Variants in UHRF1 observed in about 807,000 individuals in gnomAD.
UHRF1 encodes the protein E3 ubiquitin-protein ligase UHRF1.
In UHRF1, 9 loss-of-function variants were observed where a neutral mutation model predicts 96.5. That is an observed-to-expected ratio of 0.09 (90% confidence interval 0.06 to 0.16). UHRF1 has a LOEUF of 0.16. Among genes scored for constraint, UHRF1 ranks in the 10% least tolerant of loss-of-function variants. UHRF1 has a pLI of 1.00. For missense variants in UHRF1, 626 were observed against 1,131.1 expected, an observed-to-expected ratio of 0.55 and a Z score of 6.40; for synonymous variants, 455 against 469.9, an observed-to-expected ratio of 0.97 and a Z score of 0.41.
chr19:4,954,229 A>G lies in UHRF1; in HGVS notation c.1819-121A>G. On this transcript the variant is annotated intron_variant, in intron 13 of 16. Transcript: ENST00000650932. This position sits in a 1 kb window ranked among gnomAD's most constrained non-coding sequence, Gnocchi z 5.9. ...AAGGGAGGACTACCCTGTGCTCTTCAGGGGGATTGGGGGTCAGGTGTGTCT... is the reference window on the plus strand; with the variant it reads ...AAGGGAGGACTACCCTGTGCTCTTCGGGGGGATTGGGGGTCAGGTGTGTCT... 6.9e-7 allele frequency: 1 copy of G among 1,455,970 alleles called. No homozygotes were observed. Among genetic ancestry groups the G allele is most frequent in the South Asian group, 1.3e-5 (1 of 77,722 alleles). 90.2% of individuals were successfully genotyped at this position (1,455,970 alleles called of 1,614,324 possible).
intron 2 of UHRF1, among the ~76,000 whole-genome samples, chr19:4,916,658 T>C (rs142944893): frequency 6.7e-6 from 1 of 148,720 alleles, no homozygotes; most frequent in Non-Finnish European, 1.5e-5. Flanking sequence ...CGCCCCCTCT[T>C]GTGGGTTCTG....
intron 15 of UHRF1, among the ~76,000 whole-genome samples, chr19:4,955,457 A>G (rs1213884803): frequency 6.6e-6 from 1 of 151,936 alleles, no homozygotes; most frequent in African/African-American, 2.4e-5. Context: ...CGCCTCACCC[A>G]GGATGCTTTC....
At chr19:4,959,130 C>T (rs551823772) in intron 16 of UHRF1, among the ~76,000 whole-genome samples, 1 of 151,892 alleles carries the variant, frequency 6.6e-6, no homozygotes, top group East Asian at 2.0e-4. Flanking sequence ...TACAGGCATA[C>T]ACCACCATGG....
In UHRF1 at chr19:4,941,753, G is replaced by C. The variant is rs746199151; in HGVS notation, c.895G>C (p.Gly299Arg). 2.6e-6 allele frequency: 4 copies of C among 1,545,696 alleles called. No homozygotes were observed. The highest frequency in any genetic ancestry group is 2.4e-5 in the South Asian group (2 of 83,592). Residue 299 changes from glycine (G) to arginine (R), a missense_variant, in exon 7 of 17, where the codon GGG becomes CGG. Physicochemically the swap from Gly to Arg is moderately radical, Grantham distance 125. Coordinates refer to ENST00000650932, the MANE Select transcript of UHRF1 (RefSeq NM_001048201.3). The part of the protein sequence containing the change: ...MVDNPMRRKS[G>R]PSCKHCKDDV... ...TGCCGCCCCGTGCCCAGGGAAGAGC[G>C]GGCCGTCCTGCAAGCACTGCAAGGA...
At chr19:4,953,242 G>C (rs893447133) in intron 13 of UHRF1, among the ~76,000 whole-genome samples, 2 of 152,078 alleles carry the variant, frequency 1.3e-5, no homozygotes, top group Non-Finnish European at 2.9e-5. Context: ...ATGCACAGGC[G>C]TCCCCCCCTT....
At position 4,954,661 on chromosome 19, in the gene UHRF1, A is replaced by G; in HGVS notation, c.1969A>G (p.Ser657Gly). 1 of 1,612,612 alleles carries G rather than the reference A, an allele frequency of 6.2e-7. No individual in the cohort carries two copies. Among genetic ancestry groups the G allele is most frequent in the Non-Finnish European group, 8.5e-7 (1 of 1,179,362 alleles). The change falls in exon 15 of 17, where the codon AGC becomes GGC. Residue 657 changes from serine to glycine, a missense_variant. Physicochemically the swap from Ser to Gly is moderately conservative, Grantham distance 56 (BLOSUM62 0). Coordinates refer to ENST00000650932, the MANE Select transcript of UHRF1 (RefSeq NM_001048201.3). This position sits in a 1 kb window ranked among gnomAD's most constrained non-coding sequence, Gnocchi z 5.9. Reference sequence around the variant, plus strand: ...CCACCCTCTTCCAGGAGGTGGCCCGAGCAGGGCCGGGTCCCCGCGCCGGAC... The same window carrying G: ...CCACCCTCTTCCAGGAGGTGGCCCGGGCAGGGCCGGGTCCCCGCGCCGGAC... ...WKRKSAGGGP[S>G]RAGSPRRTSK...
At chr19:4,908,820 C>T (rs7245778), upstream of UHRF1, among the ~76,000 whole-genome samples, 1 of 152,230 alleles carries the variant, frequency 6.6e-6, no homozygotes, top group Non-Finnish European at 1.5e-5. Flanking sequence ...CCGCTGGGTT[C>T]TGCAGCTCTG....
intron 2 of UHRF1, among the ~76,000 whole-genome samples, chr19:4,912,626 T>G (rs2032327781): frequency 6.6e-6 from 1 of 152,198 alleles, no homozygotes; most frequent in Admixed American, 6.6e-5. Flanking sequence ...TCTTTCTCTC[T>G]GCCCGCCAAT....
chr19:4,961,105 G>C lies in UHRF1; in HGVS notation c.*302G>C. ...TTTTAAAGATGGAATCAGAAACTAC[G>C]TGGTGTGGAGGCTGTTGATGTTTCT... On this transcript the variant is annotated 3_prime_UTR_variant, in exon 17 of 17. Transcript: ENST00000650932. The C allele has an allele frequency of 8.6e-6, 1 of 115,872 alleles. No individual in the cohort carries two copies. Among genetic ancestry groups the C allele is most frequent in the Non-Finnish European group, 1.6e-5 (1 of 64,276 alleles). The allele number at this position is 115,872 out of a possible 1,614,324, so 7.2% of individuals were successfully genotyped here. A position where few individuals can be genotyped will look rare whatever the true frequency, so the allele number is the denominator to read the frequency against.
intron 2 of UHRF1, among the ~76,000 whole-genome samples, chr19:4,924,239 C>T (rs12460351): frequency 0.26 from 39,806 of 151,786 alleles, 5,418 homozygotes; most frequent in Middle Eastern, 0.38. Context: ...AAGCTCCGCC[C>T]CCCGGGTTCA....
rs761118789 is a variant in UHRF1, at chr19:4,951,014, G to T, written c.1818+18G>T. The T allele has an allele frequency of 2.5e-6, 4 of 1,587,016 alleles. No individual in the cohort carries two copies. Among genetic ancestry groups the T allele is most frequent in the Non-Finnish European group, 3.4e-6 (4 of 1,168,574 alleles). On this transcript the variant is annotated intron_variant, in intron 13 of 16. Coordinates refer to ENST00000650932, the MANE Select transcript of UHRF1 (RefSeq NM_001048201.3). ...CCATGCAGGTGTGTCTGGGATGGGG[G>T]ATGGCACTTTGGGAGGCCAAGGCGG...
At chr19:4,955,448 G>A (rs571170560) in intron 15 of UHRF1, among the ~76,000 whole-genome samples, 55 of 152,026 alleles carry the variant, frequency 3.6e-4, no homozygotes, top group African/African-American at 1.2e-3. Flanking sequence ...CAGGCCCCCC[G>A]CCTCACCCAG....
At chr19:4,920,104 A>G (rs942695543) in intron 2 of UHRF1, among the ~76,000 whole-genome samples, 4 of 152,200 alleles carry the variant, frequency 2.6e-5, no homozygotes, top group Non-Finnish European at 5.9e-5. Context: ...GGCATGAGCC[A>G]TCGCACCCGG....
chr19:4,931,848 T>C (rs1317023685), intron 4 of UHRF1, among the ~76,000 whole-genome samples: 3 of 145,948 alleles, frequency 2.1e-5, no homozygotes, highest in Admixed American at 6.8e-5. Context: ...GCACCCTCCA[T>C]CTCCCGGGTT....
In UHRF1 at chr19:4,944,602, G is replaced by C. The variant is rs1054029457; in HGVS notation, c.1305+152G>C. 1.3e-5 allele frequency among the ~76,000 whole-genome samples: 2 copies of C among 152,334 alleles called. 1 individual carries two copies. Among genetic ancestry groups the C allele is most frequent in the East Asian group, 3.9e-4 (2 of 5,170 alleles). ...AGGGGTGTGGAAAGCCTGCAGGTTT[G>C]GGTTTACTCCTTATTTTACCAGGGA... On this transcript the variant is annotated intron_variant, in intron 9 of 16. Transcript: ENST00000650932.
chr19:4,929,201 C>G (rs1245639875), intron 2 of UHRF1, 21 bp from the exon 3 acceptor site: 22 of 1,600,622 alleles, frequency 1.4e-5, no homozygotes, highest in South Asian at 8.9e-5. Flanking sequence ...TAAACAGCGT[C>G]TGCCTCTGGT....
rs1471136560 is a variant in UHRF1 at position 4,947,097 on chromosome 19, T to G, written c.1411-8T>G. On this transcript the variant is annotated splice_polypyrimidine_tract_variant and splice_region_variant and intron_variant, in intron 10 of 16. Coordinates refer to ENST00000650932, the MANE Select transcript of UHRF1 (RefSeq NM_001048201.3). Reference sequence around the variant, plus strand: ...AGAGGGTTCACCCAGCCTTCTTGTCTGTTTCAGGACCATGGGAATTTTTTC... The same window carrying G: ...AGAGGGTTCACCCAGCCTTCTTGTCGGTTTCAGGACCATGGGAATTTTTTC... 3.7e-6 allele frequency: 6 copies of G among 1,611,610 alleles called. No individual in the cohort carries two copies. The highest frequency in any genetic ancestry group is 5.1e-6 in the Non-Finnish European group (6 of 1,178,366).
At chr19:4,928,017 T>A (rs1342141096) in intron 2 of UHRF1, among the ~76,000 whole-genome samples, 1 of 152,044 alleles carries the variant, frequency 6.6e-6, no homozygotes, top group Non-Finnish European at 1.5e-5. Context: ...TCCTGGGACC[T>A]CAGTAGGGCA....
upstream of UHRF1, among the ~76,000 whole-genome samples, chr19:4,905,155 C>T (rs368078009): frequency 2.5e-3 from 327 of 131,536 alleles, 1 homozygote; most frequent in Non-Finnish European, 3.5e-3. Context: ...CTTGCTCAGT[C>T]GCCCAGGCTG....
Sources: allele counts gnomAD v4.1 joint callset (sites outside exome capture counted in the v4.1 genomes callset), GRCh38; gene constraint gnomAD v4.1.1; non-coding constraint Gnocchi (gnomAD v3.1); transcripts MANE v1.5; gene names NCBI Gene and HGNC (gene_info 2026-07-23, HGNC 2026-07-21).